The following STK32B variants were observed in gnomAD, a reference collection of about 807,000 sequenced individuals.
STK32B encodes serine/threonine-protein kinase 32B.
A neutral mutation model predicts 52.6 loss-of-function variants in STK32B; 43 were observed. That is an observed-to-expected ratio of 0.82 (90% CI 0.64 to 1.05). The LOEUF (loss-of-function observed/expected upper bound fraction) is 1.05, where lower values mean the gene tolerates loss of function less well. Among genes scored for constraint, STK32B ranks in the 50% least tolerant of loss-of-function variants. The pLI is 0.00. For missense variants in STK32B, 621 were observed against 534.6 expected (o/e 1.16, Z -1.59); for synonymous variants, 238 against 204.3 (o/e 1.17, Z -1.41).
At chr4:5,031,078 G>A in the STK32B span, among the ~76,000 whole-genome samples, 3 of 152,168 alleles carry the variant, frequency 2.0e-5, no homozygotes, top group Admixed American at 6.5e-5. Context: ...AGGTTATCCA[G>A]AGGCTGAATT....
chr4:5,168,441 T>A lies in STK32B; in HGVS notation c.251T>A (p.Val84Asp), dbSNP rs377501200. The change falls in exon 3 of 12, where the codon GTC (valine) becomes GAC (aspartate). Residue 84 changes from valine to aspartate, a missense_variant. Val to Asp is a radical substitution (Grantham distance 152). Coordinates refer to ENST00000282908, the MANE Select transcript of STK32B (RefSeq NM_018401.3). ...CAAGGGCTGGAGCACCCCTTCCTGG[T>A]CAATCTGTGGTGAGTGTGGCTCCAT... ...IMQGLEHPFL[V>D]NLWYSFQDEE... The A allele has an allele frequency of 6.2e-7, 1 of 1,612,984 alleles. No homozygotes were observed. Among genetic ancestry groups the A allele is most frequent in the Non-Finnish European group, 8.5e-7 (1 of 1,179,654 alleles).
At chr4:5,491,040 G>A (rs1163710291) in intron 11 of STK32B, among the ~76,000 whole-genome samples, 2 of 152,182 alleles carry the variant, frequency 1.3e-5, no homozygotes, top group African/African-American at 2.4e-5. Context: ...ACAGACGTGT[G>A]CATGTGTCTT....
chr4:5,142,092 A>G (rs1053139511), intron 2 of STK32B, among the ~76,000 whole-genome samples: 1 of 152,208 alleles, frequency 6.6e-6, no homozygotes, highest in African/African-American at 2.4e-5. Flanking sequence ...GCAGGAGGAT[A>G]GTTTGGGTGG....
chr4:5,152,414 C>T (rs181209691), intron 2 of STK32B, among the ~76,000 whole-genome samples: 128 of 152,334 alleles, frequency 8.4e-4, no homozygotes, highest in African/African-American at 2.9e-3. Flanking sequence ...ACTTGGATTC[C>T]TCCAGAAGTT....
chr4:5,287,486 T>G (rs1365242075), intron 3 of STK32B, among the ~76,000 whole-genome samples: 1 of 96,962 alleles, frequency 1.0e-5, no homozygotes, highest in African/African-American at 1.3e-4. Flanking sequence ...AATTCTAAAG[T>G]TTTTTTTATT....
At chr4:5,422,776 G>C (rs1269663034) in intron 6 of STK32B, among the ~76,000 whole-genome samples, 4 of 152,146 alleles carry the variant, frequency 2.6e-5, no homozygotes, top group African/African-American at 9.7e-5. Flanking sequence ...ACGATGGTGT[G>C]GCTATTGGAA....
chr4:5,117,971 G>T (rs1181002572), intron 1 of STK32B, among the ~76,000 whole-genome samples: 3 of 152,116 alleles, frequency 2.0e-5, no homozygotes, highest in Non-Finnish European at 4.4e-5. Flanking sequence ...TTTTGTTGAG[G>T]ATTTTTGCAT....
intron 4 of STK32B, among the ~76,000 whole-genome samples, chr4:5,393,990 T>C (rs1195113942): frequency 1.3e-5 from 2 of 152,142 alleles, no homozygotes; most frequent in East Asian, 3.9e-4. Context: ...AGCTTTCCCC[T>C]CCAGGTTTTT....
At chr4:5,427,148 C>G (rs1004862877) in intron 6 of STK32B, among the ~76,000 whole-genome samples, 1 of 152,146 alleles carries the variant, frequency 6.6e-6, no homozygotes, top group Non-Finnish European at 1.5e-5. Flanking sequence ...CTAAATCTGT[C>G]GAGATAATCC....
chr4:5,460,072 T>G lies in STK32B; in HGVS notation c.784-31T>G, dbSNP rs1320711643. On this transcript the variant is annotated intron_variant, in intron 8 of 11. Coordinates refer to ENST00000282908, the MANE Select transcript of STK32B (RefSeq NM_018401.3). This position sits in a 1 kb window ranked among gnomAD's most constrained non-coding sequence, Gnocchi z 4.8. ...CCGCTAACCTTGAGGGATGCCCAAT[T>G]CATGGAAACTCATTTGCCCTCTAAC... The G allele has an allele frequency of 6.2e-7, 1 of 1,613,992 alleles. No homozygotes were observed. Among genetic ancestry groups the G allele is most frequent in the Non-Finnish European group, 8.5e-7 (1 of 1,180,024 alleles).
At chr4:5,468,877 C>G (rs541177620) in intron 11 of STK32B, among the ~76,000 whole-genome samples, 1 of 151,988 alleles carries the variant, frequency 6.6e-6, no homozygotes, top group Non-Finnish European at 1.5e-5. Context: ...GGTGAAACCC[C>G]GTCTCTTCTA....
At chr4:5,148,762 G>C (rs887161436) in intron 2 of STK32B, among the ~76,000 whole-genome samples, 1 of 151,706 alleles carries the variant, frequency 6.6e-6, no homozygotes, top group Non-Finnish European at 1.5e-5. Context: ...ATATTATTCA[G>C]AGCTTCCGTG....
At chr4:5,209,816 AC>A (rs1384533406) in intron 3 of STK32B, among the ~76,000 whole-genome samples, 1 of 152,178 alleles carries the variant, frequency 6.6e-6, no homozygotes, top group Non-Finnish European at 1.5e-5. Context: ...TAGGTTGGAT[AC>A]TTTAACAACC....
intron 4 of STK32B, among the ~76,000 whole-genome samples, chr4:5,349,551 A>G (rs1236629957): frequency 6.6e-6 from 1 of 152,222 alleles, no homozygotes; most frequent in African/African-American, 2.4e-5. Context: ...ATGCACAGGT[A>G]ACAATGTAAG....
intron 3 of STK32B, among the ~76,000 whole-genome samples, chr4:5,192,521 A>G (rs1056255867): frequency 6.6e-6 from 1 of 152,214 alleles, no homozygotes; most frequent in Non-Finnish European, 1.5e-5. Context: ...GACTCACAGC[A>G]TCAGTTTAAA....
At chr4:5,436,676 G>A (rs1714109156) in intron 6 of STK32B, 1 of 985,172 alleles carries the variant, frequency 1.0e-6, no homozygotes, top group African/African-American at 1.7e-5. Context: ...GCGCTATTAG[G>A]AGTTAGAATC....
the STK32B span, among the ~76,000 whole-genome samples, chr4:5,031,468 A>T: frequency 6.6e-6 from 1 of 152,040 alleles, no homozygotes; most frequent in Non-Finnish European, 1.5e-5. Flanking sequence ...GTATGGTGGC[A>T]TGTGCCTGTG....
intron 1 of STK32B, among the ~76,000 whole-genome samples, chr4:5,090,368 A>ATT (rs1230568290): frequency 2.2e-5 from 2 of 92,254 alleles, no homozygotes; most frequent in African/African-American, 8.4e-5. Context: ...TCTTTAATCC[A>ATT]TCTTTTTTTT....
intron 3 of STK32B, among the ~76,000 whole-genome samples, chr4:5,261,003 C>T (rs1726674834): frequency 4.6e-5 from 7 of 152,148 alleles, no homozygotes; most frequent in Admixed American, 4.6e-4. Context: ...ATCAGCCAAT[C>T]ACTGTGGGCT....
Sources: allele counts gnomAD v4.1 joint callset (sites outside exome capture counted in the v4.1 genomes callset), GRCh38; gene constraint gnomAD v4.1.1; non-coding constraint Gnocchi (gnomAD v3.1); transcripts MANE v1.5; gene names NCBI Gene and HGNC (gene_info 2026-07-23, HGNC 2026-07-21).